Variants in PRKCB observed in about 807,000 individuals in gnomAD.
PRKCB encodes protein kinase C beta, also known as protein kinase C beta type.
Under a neutral mutation model 81.5 loss-of-function variants are expected in PRKCB, and 13 were observed. The ratio of observed to expected loss-of-function variants is 0.16; its 90% CI spans 0.10 to 0.25. The LOEUF (loss-of-function observed/expected upper bound fraction) is 0.25, where lower values mean the gene tolerates loss of function less well. Among genes scored for constraint, PRKCB ranks in the 10% least tolerant of loss-of-function variants. PRKCB has a pLI of 1.00. For synonymous variants in PRKCB, 335 were observed against 321.4 expected, an observed-to-expected ratio of 1.04 and a Z score of -0.45; for missense variants, 509 against 875.7, an observed-to-expected ratio of 0.58 and a Z score of 5.29.
intron 2 of PRKCB, among the ~76,000 whole-genome samples, chr16:23,928,083 G>A (rs1447432429): frequency 6.6e-6 from 1 of 151,912 alleles, no homozygotes; most frequent in African/African-American, 2.4e-5. Context: ...GAAATATATA[G>A]AAATGAAAGA....
intron 9 of PRKCB, among the ~76,000 whole-genome samples, chr16:24,146,356 T>C (rs1966988953): frequency 6.6e-6 from 1 of 152,216 alleles, no homozygotes; most frequent in African/African-American, 2.4e-5. Flanking sequence ...CCATGCACAG[T>C]GCTAAGTTAA....
rs758819113 is a variant in PRKCB, at chr16:24,195,030, C to T, written c.1863+3800C>T. On this transcript the variant is annotated intron_variant, in intron 16 of 16. Coordinates refer to ENST00000643927, the MANE Select transcript of PRKCB (RefSeq NM_002738.7). ...ACCAGTCTGGGCAACATGGCAAAAC[C>T]CCGTCTCTACAAAAAATACAAACGT... is the stretch of plus-strand genomic sequence containing the variant. 3.3e-5 allele frequency among the ~76,000 whole-genome samples: 5 copies of T among 152,158 alleles called. No homozygotes were observed. The South Asian group carries it at 1.0e-3, about 32-fold the overall frequency.
chr16:24,215,976 C>T lies in PRKCB; in HGVS notation c.*1160C>T, dbSNP rs140893375. The stretch of plus-strand genomic sequence containing the variant: ...TTATGTGCCATTTTTCTTCTAGCAT[C>T]GAGATACAATAAAAAAAAAAAAAAA... On this transcript the variant is annotated 3_prime_UTR_variant, in exon 17 of 17. Transcript: ENST00000643927. The T allele has an allele frequency of 6.8e-5, 66 of 972,154 alleles. No individual in the cohort carries two copies. The highest frequency in any genetic ancestry group is 1.3e-4 in the Admixed American group (2 of 15,096). The allele number at this position is 972,154 out of a possible 1,614,324, so 60.2% of individuals were successfully genotyped here.
intron 2 of PRKCB, 149 bp downstream of exon 2, chr16:23,837,555 C>A: frequency 1.0e-6 from 1 of 997,490 alleles, no homozygotes; most frequent in South Asian, 1.6e-5. Context: ...ACAACAGGGT[C>A]CTTTCAAGGG....
intron 3 of PRKCB, among the ~76,000 whole-genome samples, chr16:24,029,414 C>T (rs58260011): frequency 0.078 from 11,908 of 152,208 alleles, 549 homozygotes; most frequent in African/African-American, 0.099. Context: ...CCCCTTTGCT[C>T]GGCACTTCTC....
At chr16:24,074,479 G>T (rs1300845275) in intron 5 of PRKCB, among the ~76,000 whole-genome samples, 1 of 152,216 alleles carries the variant, frequency 6.6e-6, no homozygotes, top group Non-Finnish European at 1.5e-5. Context: ...TAATTCATGT[G>T]CAGTCCTTAG....
At chr16:24,020,976 T>C (rs61190547) in intron 3 of PRKCB, among the ~76,000 whole-genome samples, 4,218 of 96,634 alleles carry the variant, frequency 0.044, 129 homozygotes, top group Middle Eastern at 0.086. Flanking sequence ...AGACTTTTCT[T>C]TTTCTTTCTT....
chr16:24,009,619 A>G (rs7186313), intron 3 of PRKCB, among the ~76,000 whole-genome samples: 51,898 of 151,018 alleles, frequency 0.34, 9,442 homozygotes, highest in African/African-American at 0.46. Flanking sequence ...GACAAGTGTT[A>G]GCAAAGATAT....
chr16:24,080,071 G>A (rs1383561125), intron 5 of PRKCB, among the ~76,000 whole-genome samples: 1 of 152,154 alleles, frequency 6.6e-6, no homozygotes, highest in Non-Finnish European at 1.5e-5. Context: ...TTTGAAGAGT[G>A]TGCGATCGGT....
At chr16:24,123,710 T>G in intron 8 of PRKCB, 125 bp from the exon 9 acceptor site, 1 of 956,862 alleles carries the variant, frequency 1.0e-6, no homozygotes, top group Non-Finnish European at 1.6e-6. Flanking sequence ...GATGCATGGC[T>G]ATGCTTTTCA....
In PRKCB at chr16:24,126,696, G is replaced by A. The variant is rs899380138; in HGVS notation, c.1065+2715G>A. Among the ~76,000 whole-genome samples the A allele has an allele frequency of 6.6e-5, 10 of 151,356 alleles. No homozygotes were observed. The East Asian group carries it at 7.9e-4, about 12-fold the overall frequency. On this transcript the variant is annotated intron_variant, in intron 9 of 16. Coordinates refer to ENST00000643927, the MANE Select transcript of PRKCB (RefSeq NM_002738.7). ...ATTCTCCTGCCTCAGTCTCGCGCTC[G>A]GCTAATTTTTGTAGTTTTTAATAGA...
At chr16:24,139,780 C>A (rs1966881985) in intron 9 of PRKCB, among the ~76,000 whole-genome samples, 1 of 152,144 alleles carries the variant, frequency 6.6e-6, no homozygotes, top group South Asian at 2.1e-4. Context: ...ATACAGAAAA[C>A]CTTACGTAAT....
chr16:23,909,762 C>T (rs6497702), intron 2 of PRKCB, among the ~76,000 whole-genome samples: 146,923 of 152,274 alleles, frequency 0.96, 70,921 homozygotes, highest in East Asian at 1. Context: ...GTTCCTTCCA[C>T]ATTGCTGCAA....
At chr16:24,141,250 A>C (rs767336198) in intron 9 of PRKCB, among the ~76,000 whole-genome samples, 1 of 152,132 alleles carries the variant, frequency 6.6e-6, no homozygotes, top group Non-Finnish European at 1.5e-5. Flanking sequence ...GCTGGAGTGC[A>C]GAGGTGAGAT....
intron 5 of PRKCB, among the ~76,000 whole-genome samples, chr16:24,067,545 C>A (rs550510692): frequency 6.6e-6 from 1 of 152,294 alleles, no homozygotes; most frequent in Admixed American, 6.5e-5. Flanking sequence ...GCCGTCTGCC[C>A]ATGTTTGCCT....
intron 3 of PRKCB, among the ~76,000 whole-genome samples, chr16:24,027,710 C>CA (rs1277219260): frequency 2.6e-5 from 4 of 152,194 alleles, no homozygotes; most frequent in Non-Finnish European, 4.4e-5. Flanking sequence ...CCGAAGTCTG[C>CA]AGTGGCTGAG....
At chr16:23,875,247 C>T (rs1368541002) in intron 2 of PRKCB, among the ~76,000 whole-genome samples, 1 of 151,832 alleles carries the variant, frequency 6.6e-6, no homozygotes, top group Non-Finnish European at 1.5e-5. Context: ...CTATGTTGCC[C>T]AGGCTGGTCT....
intron 2 of PRKCB, among the ~76,000 whole-genome samples, chr16:23,934,562 T>G (rs745558517): frequency 2.0e-5 from 3 of 152,240 alleles, no homozygotes; most frequent in Non-Finnish European, 2.9e-5. Context: ...CTGTTTCTCA[T>G]GTAGATGTAC....
chr16:23,967,751 C>T (rs893704009), intron 2 of PRKCB, among the ~76,000 whole-genome samples: 1 of 152,120 alleles, frequency 6.6e-6, no homozygotes, highest in African/African-American at 2.4e-5. Context: ...CTCCCAGGTT[C>T]AAGAGATTCT....
Sources: gnomAD v4.1 joint callset for allele counts (sites outside exome capture counted in the v4.1 genomes callset) on GRCh38, gnomAD v4.1.1 for gene constraint, MANE v1.5 for transcripts, NCBI Gene and HGNC (gene_info 2026-07-23, HGNC 2026-07-21) for gene names.